Variants in ZNF618 observed in about 807,000 individuals in gnomAD.
ZNF618 encodes zinc finger protein 618.
In ZNF618, 34 loss-of-function variants were observed where a neutral mutation model predicts 103.0. The observed-to-expected ratio is 0.33, with a 90% CI of 0.25 to 0.44. The LOEUF is 0.44. ZNF618 is among the 20% of genes least tolerant of loss of function. ZNF618 has a pLI of 1.00. For synonymous variants in ZNF618, 551 were observed against 542.2 expected (o/e 1.02, Z -0.23); for missense variants, 1,059 against 1,295.4 (o/e 0.82, Z 2.80).
rs376102134 is a variant in ZNF618, at chr9:114,049,075, C to T, written c.1773C>T (p.Ser591=). ...LGVKGADIRD[S]GDLVHHWVQN... is the part of the protein sequence containing the mutation. Reference sequence around the variant, plus strand: ...TGAAGGGTGCGGACATTCGCGACAGCGGTGACCTTGTGCACCACTGGGTGC... The same window carrying T: ...TGAAGGGTGCGGACATTCGCGACAGTGGTGACCTTGTGCACCACTGGGTGC... Residue 591 remains serine (S), a synonymous_variant, in exon 15 of 15, where the codon AGC becomes AGT. Transcript: ENST00000374126. 1.8e-5 allele frequency: 29 copies of T among 1,613,862 alleles called. No homozygotes were observed. The highest frequency in any genetic ancestry group is 8.9e-5 in the East Asian group (4 of 44,874).
chr9:114,011,261 G>T (rs1842214174), intron 9 of ZNF618, among the ~76,000 whole-genome samples: 1 of 152,204 alleles, frequency 6.6e-6, no homozygotes, highest in Non-Finnish European at 1.5e-5. Context: ...ATTTGTAAAA[G>T]AATTAGCATA....
Position 114,033,876 on chromosome 9 carries a change from A to G in ZNF618, c.1168+1148A>G, listed in dbSNP as rs552817856. ...CTGCCTGGGTGTGGACAGGTGACGAACACATCACAACTGTCGGGGACCCTC... is the reference window on the plus strand; with the variant it reads ...CTGCCTGGGTGTGGACAGGTGACGAGCACATCACAACTGTCGGGGACCCTC... On this transcript the variant is annotated intron_variant, in intron 12 of 14. Coordinates refer to ENST00000374126, the MANE Select transcript of ZNF618 (RefSeq NM_001318042.2). 5.3e-5 allele frequency among the ~76,000 whole-genome samples: 8 copies of G among 152,310 alleles called. No homozygotes were observed. In the South Asian group the frequency reaches 1.0e-3, roughly 20 times the overall value.
At chr9:114,000,475 A>T (rs1027725996) in intron 4 of ZNF618, among the ~76,000 whole-genome samples, 5 of 141,040 alleles carry the variant, frequency 3.5e-5, no homozygotes, top group Non-Finnish European at 7.9e-5. Flanking sequence ...AAACATTGTA[A>T]GTCTTTTTGT....
intron 1 of ZNF618, among the ~76,000 whole-genome samples, chr9:113,914,055 G>T (rs1269356452): frequency 1.3e-5 from 2 of 152,038 alleles, no homozygotes; most frequent in Admixed American, 6.5e-5. Flanking sequence ...CCCCCAACCT[G>T]GACCACCCTT....
chr9:113,945,437 C>T (rs1453748868), intron 1 of ZNF618, among the ~76,000 whole-genome samples: 1 of 152,226 alleles, frequency 6.6e-6, no homozygotes, highest in African/African-American at 2.4e-5. Context: ...CATTTCTCTA[C>T]TGCATTAGGT....
chr9:113,966,613 T>G (rs962471723), intron 1 of ZNF618, among the ~76,000 whole-genome samples: 1 of 152,212 alleles, frequency 6.6e-6, no homozygotes, highest in Admixed American at 6.5e-5. Context: ...CAGTGGACTT[T>G]GGCTCTGTCG....
chr9:113,960,828 C>T (rs1459622016), intron 1 of ZNF618, among the ~76,000 whole-genome samples: 1 of 152,222 alleles, frequency 6.6e-6, no homozygotes, highest in African/African-American at 2.4e-5. Flanking sequence ...GTTCCTTCCC[C>T]TTCAGAGCTG....
At chr9:114,004,088 A>T (rs981749855) in intron 6 of ZNF618, among the ~76,000 whole-genome samples, 1 of 152,254 alleles carries the variant, frequency 6.6e-6, no homozygotes, top group African/African-American at 2.4e-5. Flanking sequence ...CCCCTGCCCA[A>T]CAAAACCCCA....
intron 1 of ZNF618, among the ~76,000 whole-genome samples, chr9:113,890,662 T>A (rs1344496281): frequency 6.6e-6 from 1 of 152,252 alleles, no homozygotes; most frequent in African/African-American, 2.4e-5. Flanking sequence ...TGGATTTTTA[T>A]TCTACATGTA....
At chr9:114,024,389 G>A (rs10982038) in intron 10 of ZNF618, among the ~76,000 whole-genome samples, 12,708 of 152,196 alleles carry the variant, frequency 0.083, 1,562 homozygotes, top group African/African-American at 0.27. Flanking sequence ...ATTTTCCTGT[G>A]TTGCCTGGAA....
intron 1 of ZNF618, among the ~76,000 whole-genome samples, chr9:113,920,019 C>G (rs546508845): frequency 6.6e-6 from 1 of 152,302 alleles, no homozygotes; most frequent in Non-Finnish European, 1.5e-5. Flanking sequence ...CCTGGTTGGA[C>G]CTTTGAACCT....
chr9:114,016,962 A>T (rs1008086805), intron 10 of ZNF618, 178 bp downstream of exon 10: 2 of 593,410 alleles, frequency 3.4e-6, no homozygotes, highest in African/African-American at 1.9e-5. Context: ...TGGCCGGCAT[A>T]GCTGAGAAGT....
At chr9:113,894,785 C>A (rs1829898067) in intron 1 of ZNF618, among the ~76,000 whole-genome samples, 1 of 152,108 alleles carries the variant, frequency 6.6e-6, no homozygotes, top group Non-Finnish European at 1.5e-5. Context: ...AGAAAAACTA[C>A]TGATTTTTAT....
At chr9:114,014,173 G>C (rs1842475989) in intron 9 of ZNF618, among the ~76,000 whole-genome samples, 1 of 152,182 alleles carries the variant, frequency 6.6e-6, no homozygotes, top group South Asian at 2.1e-4. Context: ...ATCAGAAAAG[G>C]TGGAGCATGA....
chr9:114,007,748 G>A (rs1026531088), intron 7 of ZNF618, among the ~76,000 whole-genome samples: 19 of 152,202 alleles, frequency 1.2e-4, no homozygotes, highest in African/African-American at 4.6e-4. Flanking sequence ...TGCATGTTCT[G>A]ATTAAATTAA....
rs200854394 is a variant in ZNF618, at chr9:114,002,628, C to G, written c.516C>G (p.Thr172=). The part of the protein sequence containing the change: ...FQTHVRAHRD[T]EATSGEGASQ... ...CCTCTCTCTCTCTCTTTGCAGACAC[C>G]GAAGCCACCTCAGGGGAGGGAGCCT... Residue 172 remains threonine, a synonymous_variant, in exon 6 of 15, where the codon ACC becomes ACG. Transcript: ENST00000374126. 6.2e-7 allele frequency: 1 copy of G among 1,610,534 alleles called. No individual in the cohort carries two copies. The highest frequency in any genetic ancestry group is 1.1e-5 in the South Asian group (1 of 90,916).
chr9:113,901,153 G>C (rs1374627107), intron 1 of ZNF618, among the ~76,000 whole-genome samples: 10 of 141,520 alleles, frequency 7.1e-5, no homozygotes, highest in African/African-American at 5.3e-5. Context: ...GCGAACCCGA[G>C]CTCCTGTCTC....
intron 14 of ZNF618, 26 bp downstream of exon 14, chr9:114,048,020 C>G (rs1564346945): frequency 1.0e-5 from 16 of 1,544,838 alleles, no homozygotes; most frequent in Non-Finnish European, 1.4e-5. Context: ...CAGGGCTGGA[C>G]CTGAGGGTCC....
chr9:113,941,624 T>G (rs1393879129), intron 1 of ZNF618, among the ~76,000 whole-genome samples: 1 of 152,202 alleles, frequency 6.6e-6, no homozygotes, highest in Non-Finnish European at 1.5e-5. Flanking sequence ...GCTGCAGTCT[T>G]GTCTTCTGCC....
Sources: gnomAD v4.1 joint callset for allele counts (sites outside exome capture counted in the v4.1 genomes callset) on GRCh38, gnomAD v4.1.1 for gene constraint, MANE v1.5 for transcripts, NCBI Gene and HGNC (gene_info 2026-07-23, HGNC 2026-07-21) for gene names.